CDH13: variants seen among roughly 807,000 people sequenced by gnomAD.
CDH13 encodes cadherin 13.
In CDH13, 24 loss-of-function variants were observed where a neutral mutation model predicts 63.8. That is an observed-to-expected ratio of 0.38 (90% CI 0.27 to 0.53). CDH13 has a LOEUF of 0.53. Among genes scored for constraint, CDH13 ranks in the 20% least tolerant of loss-of-function variants. The probability of loss-of-function intolerance (pLI) is 0.85; values close to 1 mark genes in which losing one functional copy is unlikely to be tolerated. For synonymous variants in CDH13, 503 were observed against 355.3 expected, an observed-to-expected ratio of 1.42 and a Z score of -4.67; for missense variants, 1,049 against 903.1, an observed-to-expected ratio of 1.16 and a Z score of -2.07.
intron 11 of CDH13, among the ~76,000 whole-genome samples, chr16:83,755,465 C>A (rs1010631482): frequency 6.6e-6 from 1 of 152,112 alleles, no homozygotes; most frequent in Non-Finnish European, 1.5e-5. Context: ...TAGCAAACCA[C>A]AAGCTGGATA....
At chr16:82,951,710 A>C (rs553606789) in intron 2 of CDH13, among the ~76,000 whole-genome samples, 1 of 152,330 alleles carries the variant, frequency 6.6e-6, no homozygotes, top group Non-Finnish European at 1.5e-5. Flanking sequence ...GAGAGGGTCC[A>C]TTCATCATGG....
chr16:83,132,593 G>T (rs1205453055), intron 4 of CDH13, among the ~76,000 whole-genome samples: 2 of 151,694 alleles, frequency 1.3e-5, no homozygotes, highest in African/African-American at 2.4e-5. Context: ...ACAGGTGGAT[G>T]CCACCACGCC....
intron 10 of CDH13, chr16:83,728,977 C>T (rs1910744090): frequency 6.5e-6 from 1 of 152,960 alleles, no homozygotes; most frequent in Admixed American, 6.5e-5. Context: ...CCTCATGTAG[C>T]CTCATTTCCT....
chr16:82,950,218 C>T (rs1905150706), intron 2 of CDH13, among the ~76,000 whole-genome samples: 1 of 152,108 alleles, frequency 6.6e-6, no homozygotes, highest in Admixed American at 6.6e-5. Context: ...TGGAGGTTTG[C>T]TAGAAACCTT....
intron 1 of CDH13, among the ~76,000 whole-genome samples, chr16:82,767,068 T>C (rs558513186): frequency 2.6e-4 from 40 of 152,226 alleles, no homozygotes; most frequent in Non-Finnish European, 4.0e-4. Context: ...TCAAAATAAA[T>C]TGTAGATATG....
chr16:82,910,737 A>G (rs2041804697), intron 2 of CDH13, among the ~76,000 whole-genome samples: 1 of 152,182 alleles, frequency 6.6e-6, no homozygotes, highest in African/African-American at 2.4e-5. Flanking sequence ...TATTTCTCAT[A>G]TGATTCACAG....
At chr16:83,174,239 G>A (rs33999526) in intron 4 of CDH13, among the ~76,000 whole-genome samples, 10,178 of 152,036 alleles carry the variant, frequency 0.067, 479 homozygotes, top group Non-Finnish European at 0.089. Context: ...CTTGAACCCT[G>A]AATTCTATCA....
chr16:83,513,787 G>T (rs1054507395), intron 7 of CDH13, among the ~76,000 whole-genome samples: 1 of 152,134 alleles, frequency 6.6e-6, no homozygotes, highest in Non-Finnish European at 1.5e-5. Context: ...TTTGGGTGGG[G>T]ACACGGCCAA....
intron 8 of CDH13, among the ~76,000 whole-genome samples, chr16:83,616,807 A>C (rs1909321098): frequency 6.6e-6 from 1 of 152,146 alleles, no homozygotes; most frequent in South Asian, 2.1e-4. Flanking sequence ...CATGGGTCTG[A>C]TGCATACATG....
intron 4 of CDH13, among the ~76,000 whole-genome samples, chr16:83,185,803 C>G (rs113168809): frequency 0.012 from 1,881 of 152,292 alleles, 31 homozygotes; most frequent in African/African-American, 0.042. Flanking sequence ...TACAACAGCT[C>G]ATTCCACATT....
At position 83,523,709 on chromosome 16, in the gene CDH13, A is replaced by G. The variant is rs115214001; in HGVS notation, c.960+37054A>G. On this transcript the variant is annotated intron_variant, in intron 7 of 13. Transcript: ENST00000567109. ...GCGCTCAGATTCCACCTCAGTGGGCATGTCCGGTTGCACATCCCAGAAGTA... is the reference window on the plus strand; with the variant it reads ...GCGCTCAGATTCCACCTCAGTGGGCGTGTCCGGTTGCACATCCCAGAAGTA... Among the ~76,000 whole-genome samples, 783 of 152,296 alleles carry G rather than the reference A, an allele frequency of 5.1e-3. 7 individuals are homozygous for G. The highest frequency in any genetic ancestry group is 0.018 in the African/African-American group (747 of 41,556).
intron 7 of CDH13, among the ~76,000 whole-genome samples, chr16:83,494,315 TC>T (rs2074086476): frequency 6.6e-6 from 1 of 152,208 alleles, no homozygotes; most frequent in South Asian, 2.1e-4. Context: ...TGTTTATTTT[TC>T]TTTATCAGCC....
intron 5 of CDH13, among the ~76,000 whole-genome samples, chr16:83,314,957 G>A (rs747666090): frequency 2.9e-4 from 44 of 152,172 alleles, no homozygotes; most frequent in Non-Finnish European, 5.1e-4. Context: ...ATATAGCCTT[G>A]AAAAGACTTG....
At chr16:83,109,649 G>C (rs964616904) in intron 3 of CDH13, among the ~76,000 whole-genome samples, 1 of 152,146 alleles carries the variant, frequency 6.6e-6, no homozygotes, top group Non-Finnish European at 1.5e-5. Flanking sequence ...TGGAATACAT[G>C]CGCAAATTAA....
intron 7 of CDH13, among the ~76,000 whole-genome samples, chr16:83,566,538 C>T (rs1188828900): frequency 2.0e-5 from 3 of 152,160 alleles, no homozygotes; most frequent in South Asian, 2.1e-4. Context: ...CTTCCACTCT[C>T]TCCATCCAGG....
At position 82,984,058 on chromosome 16, in the gene CDH13, C is replaced by T. The variant is rs138650198; in HGVS notation, c.158-47952C>T. 1.2e-4 allele frequency among the ~76,000 whole-genome samples: 18 copies of T among 152,278 alleles called. 1 individual carries two copies. The East Asian group carries it at 3.5e-3, about 29-fold the overall frequency. On this transcript the variant is annotated intron_variant, in intron 2 of 13. Transcript: ENST00000567109. ...TCCACCTCAGACAGTTGTAGAAATT[C>T]AAAAGTCCCAGCAGTTTTCTAAACC...
intron 6 of CDH13, among the ~76,000 whole-genome samples, chr16:83,433,313 A>T (rs1439651572): frequency 6.6e-6 from 1 of 152,218 alleles, no homozygotes; most frequent in Non-Finnish European, 1.5e-5. Context: ...GGGAAATAAG[A>T]GTGCCTCTGC....
In CDH13 at chr16:83,053,328, T is replaced by C. The variant is rs554078671; in HGVS notation, c.366+21110T>C. 3.5e-4 allele frequency among the ~76,000 whole-genome samples: 53 copies of C among 152,312 alleles called. 1 individual carries two copies. Among genetic ancestry groups the C allele is most frequent in the Admixed American group, 3.4e-3 (52 of 15,290 alleles). On this transcript the variant is annotated intron_variant, in intron 3 of 13. Coordinates refer to ENST00000567109, the MANE Select transcript of CDH13 (RefSeq NM_001257.5). ...GGGAGGTGTCACTAGGACTCTGTTATCCTTTCTTCCCTTCTTTCTTTTTTG... is the reference window on the plus strand; with the variant it reads ...GGGAGGTGTCACTAGGACTCTGTTACCCTTTCTTCCCTTCTTTCTTTTTTG...
intron 3 of CDH13, among the ~76,000 whole-genome samples, chr16:83,039,760 A>G (rs1003684090): frequency 3.9e-5 from 6 of 152,012 alleles, no homozygotes; most frequent in Non-Finnish European, 8.8e-5. Flanking sequence ...TCCCTCCTTC[A>G]ATACCAAATC....
Sources: gnomAD v4.1 joint callset for allele counts (sites outside exome capture counted in the v4.1 genomes callset) on GRCh38, gnomAD v4.1.1 for gene constraint, MANE v1.5 for transcripts, NCBI Gene and HGNC (gene_info 2026-07-23, HGNC 2026-07-21) for gene names.